LRP1B: variants seen among roughly 807,000 people sequenced by gnomAD.
The protein encoded by LRP1B is low-density lipoprotein receptor-related protein 1B.
Under a neutral mutation model 556.6 loss-of-function variants are expected in LRP1B, and 217 were observed. The observed-to-expected ratio is 0.39, with a 90% CI of 0.35 to 0.44. LRP1B has a LOEUF of 0.44. Ranked by LOEUF, LRP1B falls within the 20% of genes least tolerant of loss-of-function variation. The probability of loss-of-function intolerance (pLI) is 1.00; values close to 1 mark genes in which losing one functional copy is unlikely to be tolerated. For synonymous variants in LRP1B, 2,047 were observed against 1,865.8 expected, an observed-to-expected ratio of 1.10 and a Z score of -2.50; for missense variants, 5,053 against 5,620.8, an observed-to-expected ratio of 0.90 and a Z score of 3.23.
intron 6 of LRP1B, among the ~76,000 whole-genome samples, chr2:141,195,100 G>A (rs1442679562): frequency 6.6e-6 from 1 of 152,104 alleles, no homozygotes; most frequent in African/African-American, 2.4e-5. Context: ...TGAACAGAAT[G>A]TGGAAGAGAT....
chr2:140,827,099 A>G (rs898707950), intron 31 of LRP1B, among the ~76,000 whole-genome samples: 1 of 152,142 alleles, frequency 6.6e-6, no homozygotes, highest in Non-Finnish European at 1.5e-5. Flanking sequence ...AAAGCCATCA[A>G]TCTAGGATTA....
At chr2:140,350,555 T>C (rs942856636) in intron 77 of LRP1B, among the ~76,000 whole-genome samples, 1 of 152,044 alleles carries the variant, frequency 6.6e-6, no homozygotes, top group African/African-American at 2.4e-5. Context: ...ATGTCATTCA[T>C]TAGCATTCTT....
chr2:141,765,058 T>C (rs184213152), intron 2 of LRP1B, among the ~76,000 whole-genome samples: 36 of 151,814 alleles, frequency 2.4e-4, no homozygotes, highest in African/African-American at 8.2e-4. Flanking sequence ...ACATGAGTCC[T>C]GCCTGAAAGA....
chr2:140,602,728 G>A (rs113171946), intron 41 of LRP1B, among the ~76,000 whole-genome samples: 1 of 80,736 alleles, frequency 1.2e-5, no homozygotes, highest in East Asian at 4.2e-4. Flanking sequence ...TTTGAACAAT[G>A]TTTTTTTTCA....
intron 32 of LRP1B, among the ~76,000 whole-genome samples, chr2:140,781,067 A>T (rs1056407568): frequency 9.9e-5 from 15 of 152,180 alleles, no homozygotes; most frequent in African/African-American, 3.6e-4. Context: ...CACTCTGTTC[A>T]CACATAAAGT....
At chr2:140,306,594 C>CA (rs1186064660) in intron 83 of LRP1B, among the ~76,000 whole-genome samples, 1 of 150,238 alleles carries the variant, frequency 6.7e-6, no homozygotes, top group Non-Finnish European at 1.5e-5. Context: ...TTGATCTGTT[C>CA]AAAAAAACAG....
chr2:141,880,570 G>T (rs184689548), intron 1 of LRP1B, among the ~76,000 whole-genome samples: 1 of 151,970 alleles, frequency 6.6e-6, no homozygotes, highest in African/African-American at 2.4e-5. Flanking sequence ...ATAGTGAAAT[G>T]ATTTTTTTGG....
intron 22 of LRP1B, among the ~76,000 whole-genome samples, chr2:140,905,661 C>T (rs1021123985): frequency 1.3e-5 from 2 of 152,114 alleles, no homozygotes; most frequent in Non-Finnish European, 2.9e-5. Flanking sequence ...ACCCAGGTGG[C>T]GTAATCTTGT....
chr2:141,802,921 A>G (rs1242220732), intron 2 of LRP1B, among the ~76,000 whole-genome samples: 1 of 152,056 alleles, frequency 6.6e-6, no homozygotes, highest in Non-Finnish European at 1.5e-5. Flanking sequence ...AGAGTCCTGC[A>G]AGATCGTTTG....
Position 141,775,970 on chromosome 2 carries a change from G to C in LRP1B, c.205+34309C>G, listed in dbSNP as rs187443696. 5.8e-3 allele frequency among the ~76,000 whole-genome samples: 881 copies of C among 151,600 alleles called. 4 individuals carry two copies. Among genetic ancestry groups the C allele is most frequent in the South Asian group, 0.022 (107 of 4,802 alleles). On this transcript the variant is annotated intron_variant, in intron 2 of 90. Coordinates refer to ENST00000389484, the MANE Select transcript of LRP1B (RefSeq NM_018557.3). Reference sequence around the variant, plus strand: ...CCATTCTCCTGCCTCAGCCTCCCAAGTAGCTGGGACTACAGGTGCCCGTCA... The same window carrying C: ...CCATTCTCCTGCCTCAGCCTCCCAACTAGCTGGGACTACAGGTGCCCGTCA...
chr2:140,864,277 G>A (rs1692884166), intron 27 of LRP1B, among the ~76,000 whole-genome samples: 1 of 151,776 alleles, frequency 6.6e-6, no homozygotes, highest in Non-Finnish European at 1.5e-5. Flanking sequence ...TTATAATCTA[G>A]GCGAGTAGGT....
chr2:140,298,987 T>A (rs2105003408), intron 83 of LRP1B, among the ~76,000 whole-genome samples: 1 of 152,206 alleles, frequency 6.6e-6, no homozygotes, highest in Admixed American at 6.5e-5. Context: ...CAGTTAAGAC[T>A]CAGACAATAT....
chr2:140,329,609 G>C (rs542739701), intron 79 of LRP1B, among the ~76,000 whole-genome samples: 3 of 151,844 alleles, frequency 2.0e-5, no homozygotes, highest in Non-Finnish European at 4.4e-5. Flanking sequence ...CAATAGGCAA[G>C]CAGAGAGCCA....
At position 141,485,977 on chromosome 2, in the gene LRP1B, G is replaced by T. The variant is rs541682007; in HGVS notation, c.206-5444C>A. On this transcript the variant is annotated intron_variant, in intron 2 of 90. Coordinates refer to ENST00000389484, the MANE Select transcript of LRP1B (RefSeq NM_018557.3). ...GAGTTGGGAGGGACCTGGGACAGGGGCGAGGTGACCAGGTAGTGTAGGACA... is the reference window on the plus strand; with the variant it reads ...GAGTTGGGAGGGACCTGGGACAGGGTCGAGGTGACCAGGTAGTGTAGGACA... Among the ~76,000 whole-genome samples, 14 of 152,250 alleles carry T rather than the reference G, an allele frequency of 9.2e-5. 1 individual carries two copies. In the South Asian group the frequency reaches 2.9e-3, roughly 32 times the overall value.
intron 3 of LRP1B, among the ~76,000 whole-genome samples, chr2:141,282,465 T>TTATATGTATATG (rs71391648): frequency 0.33 from 44,441 of 135,352 alleles, 8,236 homozygotes; most frequent in Middle Eastern, 0.44. Context: ...CTCGGGGGTT[T>TTATATGTATATG]TATATGTATA....
intron 2 of LRP1B, among the ~76,000 whole-genome samples, chr2:141,615,680 C>G (rs1688271095): frequency 6.6e-6 from 1 of 151,954 alleles, no homozygotes; most frequent in African/African-American, 2.4e-5. Context: ...TAAAATTGAA[C>G]TAGTTATGGT....
At chr2:140,618,905 A>AT (rs1340474375) in intron 41 of LRP1B, among the ~76,000 whole-genome samples, 3 of 151,990 alleles carry the variant, frequency 2.0e-5, no homozygotes, top group East Asian at 1.9e-4. Context: ...GGAAATAATT[A>AT]TTTTTTGTTC....
chr2:141,421,404 C>G (rs1324364419), intron 3 of LRP1B, among the ~76,000 whole-genome samples: 1 of 150,704 alleles, frequency 6.6e-6, no homozygotes, highest in Non-Finnish European at 1.5e-5. Flanking sequence ...TGGCGGGCGC[C>G]TGTAGTCCCA....
Position 140,382,637 on chromosome 2 carries a change from T to C in LRP1B, c.10531+3256A>G, listed in dbSNP as rs529884329. 2.0e-3 allele frequency among the ~76,000 whole-genome samples: 298 copies of C among 152,270 alleles called. 2 individuals are homozygous for C. The highest frequency in any genetic ancestry group is 6.8e-3 in the African/African-American group (282 of 41,562). On this transcript the variant is annotated intron_variant, in intron 67 of 90. Transcript: ENST00000389484. The stretch of plus-strand genomic sequence containing the variant: ...ATTATCCTATGTATATATAAAAATA[T>C]AGAAAGCATATTAAATTTAAAACGT...
Sources: gnomAD v4.1 joint callset for allele counts (sites outside exome capture counted in the v4.1 genomes callset) on GRCh38, gnomAD v4.1.1 for gene constraint, MANE v1.5 for transcripts, NCBI Gene and HGNC (gene_info 2026-07-23, HGNC 2026-07-21) for gene names.